The following CBLB variants were observed in gnomAD, a reference collection of about 807,000 sequenced individuals.
CBLB encodes E3 ubiquitin-protein ligase CBL-B.
A neutral mutation model predicts 104.9 loss-of-function variants in CBLB; 31 were observed. The observed-to-expected ratio is 0.30, with a 90% CI of 0.22 to 0.40. CBLB has a LOEUF of 0.40. CBLB is among the 10% of genes least tolerant of loss of function. CBLB has a pLI of 1.00. For synonymous variants in CBLB, 440 were observed against 422.6 expected (o/e 1.04, Z -0.51); for missense variants, 1,062 against 1,214.6 (o/e 0.87, Z 1.87).
intron 10 of CBLB, among the ~76,000 whole-genome samples, chr3:105,719,427 C>G (rs897017671): frequency 3.9e-5 from 6 of 152,150 alleles, no homozygotes; most frequent in African/African-American, 1.4e-4. Flanking sequence ...TAGTTGTGCC[C>G]TGCACAATGA....
At chr3:105,719,709 T>C (rs544136557) in intron 10 of CBLB, among the ~76,000 whole-genome samples, 1 of 152,334 alleles carries the variant, frequency 6.6e-6, no homozygotes, top group East Asian at 1.9e-4. Context: ...CTATACTTTT[T>C]ATCATTATTT....
intron 2 of CBLB, among the ~76,000 whole-genome samples, chr3:105,864,280 G>A (rs1178098038): frequency 2.6e-5 from 4 of 152,164 alleles, no homozygotes; most frequent in African/African-American, 7.2e-5. Flanking sequence ...GGTCAAAGGC[G>A]GGATTATGTC....
In CBLB at chr3:105,702,474, G is replaced by GACA; in HGVS notation, c.1594-16_1594-15insTGT. ...CAAGGAGAAGACTAAAGAAACAGAA[G>GACA]AGAAAAAAAAAAAAAAAAAAAAAAA... is the stretch of plus-strand genomic sequence containing the variant. On this transcript the variant is annotated splice_polypyrimidine_tract_variant and intron_variant, in intron 11 of 18. Transcript: ENST00000394030. The GACA allele has an allele frequency of 1.4e-4, 23 of 165,276 alleles. No homozygotes were observed. The highest frequency in any genetic ancestry group is 1.7e-4 in the East Asian group (2 of 11,698). 10.2% of individuals were successfully genotyped at this position (165,276 alleles called of 1,614,324 possible).
chr3:105,687,807 T>C (rs1341595824), intron 13 of CBLB, among the ~76,000 whole-genome samples: 1 of 149,200 alleles, frequency 6.7e-6, no homozygotes, highest in Non-Finnish European at 1.5e-5. Flanking sequence ...ATTAATCTTA[T>C]CCAGTTCTGA....
At chr3:105,690,127 T>C (rs1056119465) in intron 13 of CBLB, among the ~76,000 whole-genome samples, 1 of 152,136 alleles carries the variant, frequency 6.6e-6, no homozygotes, top group African/African-American at 2.4e-5. Context: ...AACAACATAG[T>C]ATAAATGTAA....
chr3:105,794,354 T>G (rs139658241), intron 3 of CBLB, among the ~76,000 whole-genome samples: 3 of 152,184 alleles, frequency 2.0e-5, no homozygotes, highest in African/African-American at 7.2e-5. Flanking sequence ...CTAATACTAC[T>G]TAATTACTGT....
At chr3:105,797,551 T>C (rs1462443465) in intron 3 of CBLB, among the ~76,000 whole-genome samples, 1 of 152,056 alleles carries the variant, frequency 6.6e-6, no homozygotes, top group Non-Finnish European at 1.5e-5. Context: ...TGACATGTAG[T>C]TTACCTGTAT....
At chr3:105,867,153 A>G (rs567634879) in intron 2 of CBLB, among the ~76,000 whole-genome samples, 1 of 152,356 alleles carries the variant, frequency 6.6e-6, no homozygotes, top group African/African-American at 2.4e-5. Context: ...AAAAGCAGCC[A>G]ATGGTAAAAC....
intron 4 of CBLB, among the ~76,000 whole-genome samples, chr3:105,758,399 A>G (rs942344606): frequency 2.0e-5 from 3 of 152,182 alleles, no homozygotes; most frequent in African/African-American, 7.2e-5. Context: ...ATTTGTCAAA[A>G]AGCTCATAAC....
rs554864637 is a variant in CBLB at position 105,813,398 on chromosome 3, A to C, written c.420-36856T>G. Among the ~76,000 whole-genome samples the C allele has an allele frequency of 3.9e-5, 6 of 152,258 alleles. No homozygotes were observed. The South Asian group carries it at 1.2e-3, about 32-fold the overall frequency. ...TATTCTAAGTTATTAGTAAATAAAA[A>C]GTGGGTGCCCCTTAATCACTTTATT... is the stretch of plus-strand genomic sequence containing the variant. On this transcript the variant is annotated intron_variant, in intron 3 of 18. Transcript: ENST00000394030.
intron 4 of CBLB, among the ~76,000 whole-genome samples, chr3:105,755,167 A>C (rs759334848): frequency 6.6e-6 from 1 of 151,978 alleles, no homozygotes; most frequent in Admixed American, 6.6e-5. Flanking sequence ...TCCCAATGCT[A>C]TCTCTCCCCC....
At chr3:105,669,470 G>A (rs1168329039) in intron 18 of CBLB, among the ~76,000 whole-genome samples, 1 of 152,116 alleles carries the variant, frequency 6.6e-6, no homozygotes, top group Non-Finnish European at 1.5e-5. Context: ...AATGTTTGCT[G>A]TTTAGGCAAT....
chr3:105,740,700 G>T, intron 6 of CBLB, 69 bp from the exon 7 acceptor site: 1 of 1,356,554 alleles, frequency 7.4e-7, no homozygotes. Context: ...AATTTGTTAG[G>T]TTTCTTCCAA....
intron 2 of CBLB, among the ~76,000 whole-genome samples, chr3:105,865,769 G>A (rs546925481): frequency 6.6e-6 from 1 of 152,240 alleles, no homozygotes; most frequent in East Asian, 1.9e-4. Flanking sequence ...ACCACTCAAA[G>A]TTGGAGGGTG....
chr3:105,769,179 G>A (rs956892174), intron 4 of CBLB, among the ~76,000 whole-genome samples: 13 of 152,184 alleles, frequency 8.5e-5, no homozygotes, highest in Non-Finnish European at 1.3e-4. Context: ...ATTGCCGGGC[G>A]TGGTGGTGCA....
chr3:105,729,562 G>GT (rs948844540), intron 9 of CBLB, among the ~76,000 whole-genome samples: 1 of 152,024 alleles, frequency 6.6e-6, no homozygotes, highest in African/African-American at 2.4e-5. Context: ...CAAGAGAGAC[G>GT]TAAGTTATTT....
chr3:105,770,900 G>T (rs572754469), intron 4 of CBLB, among the ~76,000 whole-genome samples: 1 of 152,170 alleles, frequency 6.6e-6, no homozygotes, highest in East Asian at 1.9e-4. Flanking sequence ...GACTGAATCA[G>T]TAATTTTAAA....
At chr3:105,661,523 C>A (rs902177953) in intron 18 of CBLB, among the ~76,000 whole-genome samples, 1 of 152,072 alleles carries the variant, frequency 6.6e-6, no homozygotes, top group Non-Finnish European at 1.5e-5. Flanking sequence ...ACAAAAGTAC[C>A]TAGACTTAGA....
At chr3:105,785,727 C>T (rs1348077692) in intron 3 of CBLB, among the ~76,000 whole-genome samples, 5 of 152,056 alleles carry the variant, frequency 3.3e-5, no homozygotes, top group East Asian at 1.9e-4. Flanking sequence ...GTGCTTATGT[C>T]GTGCAATACT....
Sources: gnomAD v4.1 joint callset for allele counts (sites outside exome capture counted in the v4.1 genomes callset) on GRCh38, gnomAD v4.1.1 for gene constraint, MANE v1.5 for transcripts, NCBI Gene and HGNC (gene_info 2026-07-23, HGNC 2026-07-21) for gene names.